The following XIRP2 variants were observed in gnomAD, a reference collection of about 807,000 sequenced individuals.
The protein encoded by XIRP2 is xin actin binding repeat containing 2.
XIRP2 carries 236 observed loss-of-function variants against 277.0 expected under a neutral mutation model. That is an observed-to-expected ratio of 0.85 (90% CI 0.77 to 0.95). XIRP2 has a LOEUF of 0.95. Ranked by LOEUF, XIRP2 falls within the 40% of genes least tolerant of loss-of-function variation. The pLI is 0.00. For missense variants in XIRP2, 4,640 were observed against 4,157.5 expected, an observed-to-expected ratio of 1.12 and a Z score of -3.19; for synonymous variants, 1,490 against 1,416.5, an observed-to-expected ratio of 1.05 and a Z score of -1.17.
intron 2 of XIRP2, among the ~76,000 whole-genome samples, chr2:167,042,851 C>T (rs974987054): frequency 1.3e-5 from 2 of 152,050 alleles, no homozygotes; most frequent in African/African-American, 2.4e-5. Context: ...GACACTTGAC[C>T]GAACAGACCT....
intron 2 of XIRP2, among the ~76,000 whole-genome samples, chr2:167,009,527 G>C (rs939923730): frequency 6.6e-6 from 1 of 151,926 alleles, no homozygotes; most frequent in African/African-American, 2.4e-5. Context: ...ACAAACATGC[G>C]TGTGCATGTG....
Position 167,249,585 on chromosome 2 carries a change from T to C in XIRP2, c.8193T>C (p.Ser2731=). ...TLNETDHSYE[S]HKQQSEIDVQ... ...ATGAAACAGACCACAGCTATGAAAG[T>C]CATAAACAGCAATCTGAGATTGATG... The change falls in exon 9 of 11, where the codon AGT becomes AGC. Residue 2731 remains serine (S), a synonymous_variant. Transcript: ENST00000409195. 6.2e-7 allele frequency: 1 copy of C among 1,613,588 alleles called. No homozygotes were observed. The highest frequency in any genetic ancestry group is 8.5e-7 in the Non-Finnish European group (1 of 1,179,788).
intron 3 of XIRP2, among the ~76,000 whole-genome samples, chr2:167,199,201 C>A (rs976526388): frequency 6.6e-6 from 1 of 152,112 alleles, no homozygotes; most frequent in Admixed American, 6.6e-5. Context: ...AGAGGAAATT[C>A]CTAAAACACA....
chr2:166,935,461 C>T (rs988127688), intron 2 of XIRP2, among the ~76,000 whole-genome samples: 10 of 128,318 alleles, frequency 7.8e-5, no homozygotes, highest in Admixed American at 1.8e-4. Context: ...ATGTGCACAA[C>T]GTGCACGTTT....
At chr2:166,996,804 C>A (rs1687234350) in intron 2 of XIRP2, among the ~76,000 whole-genome samples, 1 of 152,062 alleles carries the variant, frequency 6.6e-6, no homozygotes, top group South Asian at 2.1e-4. Flanking sequence ...AACACACACA[C>A]ATAAACTCAC....
At chr2:166,917,455 T>C (rs1684919441) in intron 2 of XIRP2, among the ~76,000 whole-genome samples, 1 of 152,228 alleles carries the variant, frequency 6.6e-6, no homozygotes, top group Admixed American at 6.5e-5. Context: ...CTTACATGTT[T>C]GCTATTTTAC....
At chr2:166,899,649 G>A (rs536400682) in intron 1 of XIRP2, among the ~76,000 whole-genome samples, 1 of 152,246 alleles carries the variant, frequency 6.6e-6, no homozygotes, top group Non-Finnish European at 1.5e-5. Context: ...AGAATTTGGA[G>A]TTGGCAGTTA....
intron 5 of XIRP2, among the ~76,000 whole-genome samples, chr2:167,229,062 A>G (rs1488263570): frequency 2.6e-5 from 4 of 152,180 alleles, no homozygotes; most frequent in Non-Finnish European, 5.9e-5. Flanking sequence ...TCCCCCAAAG[A>G]CAAAAGGTCA....
At chr2:167,077,648 T>G (rs1246402588) in intron 2 of XIRP2, among the ~76,000 whole-genome samples, 3 of 152,114 alleles carry the variant, frequency 2.0e-5, no homozygotes, top group Admixed American at 2.0e-4. Context: ...AAGAAGTAAG[T>G]ATGGACACCT....
chr2:166,944,836 C>G (rs1685809878), intron 2 of XIRP2, among the ~76,000 whole-genome samples: 1 of 152,136 alleles, frequency 6.6e-6, no homozygotes, highest in African/African-American at 2.4e-5. Flanking sequence ...TAAATGGGGC[C>G]ACATCTATTG....
At chr2:167,145,066 TTTGC>T (rs997500624) in intron 3 of XIRP2, among the ~76,000 whole-genome samples, 1 of 152,166 alleles carries the variant, frequency 6.6e-6, no homozygotes, top group Non-Finnish European at 1.5e-5. Flanking sequence ...CCTGGTGTTT[TTTGC>T]TTATGCCATG....
At chr2:166,908,326 A>G (rs1157047850) in intron 2 of XIRP2, among the ~76,000 whole-genome samples, 1 of 152,160 alleles carries the variant, frequency 6.6e-6, no homozygotes, top group African/African-American at 2.4e-5. Context: ...GTGAGATGGT[A>G]TCTCATTGTG....
intron 3 of XIRP2, among the ~76,000 whole-genome samples, chr2:167,148,338 C>T (rs1345398147): frequency 1.4e-5 from 2 of 148,040 alleles, no homozygotes; most frequent in Non-Finnish European, 3.0e-5. Flanking sequence ...GCCGAGATCG[C>T]ACCATTGCAC....
At chr2:167,027,081 T>A (rs1478427026) in intron 2 of XIRP2, among the ~76,000 whole-genome samples, 2 of 152,190 alleles carry the variant, frequency 1.3e-5, no homozygotes, top group African/African-American at 2.4e-5. Context: ...TTCTCCTGGA[T>A]AATATCCTGC....
rs73973544 is a variant in XIRP2, at chr2:166,973,908, A to G, written c.408+70018A>G. Among the ~76,000 whole-genome samples, 744 of 152,316 alleles carry G rather than the reference A, an allele frequency of 4.9e-3. 11 individuals carry two copies. The highest frequency in any genetic ancestry group is 0.017 in the African/African-American group (695 of 41,560). On this transcript the variant is annotated intron_variant, in intron 2 of 10. Coordinates refer to ENST00000409195, the MANE Select transcript of XIRP2 (RefSeq NM_152381.6). ...TTTATTGCTAATGTTTGTTTATCAT[A>G]GAGAAGTCGCACAATGTTATAAAAT...
intron 2 of XIRP2, among the ~76,000 whole-genome samples, chr2:167,006,187 A>T (rs1328686958): frequency 6.6e-6 from 1 of 151,746 alleles, no homozygotes; most frequent in African/African-American, 2.4e-5. Flanking sequence ...GAGTTACAAG[A>T]CATTTCGAGG....
At chr2:167,033,558 C>T (rs140406006) in intron 2 of XIRP2, among the ~76,000 whole-genome samples, 2 of 152,258 alleles carry the variant, frequency 1.3e-5, no homozygotes, top group Admixed American at 1.3e-4. Flanking sequence ...AATAAGCCTA[C>T]TCCATGGCAT....
rs888384238 is a variant in XIRP2, at chr2:167,009,385, G to A, written c.408+105495G>A. 7.4e-4 allele frequency among the ~76,000 whole-genome samples: 112 copies of A among 151,840 alleles called. 1 individual carries two copies. The highest frequency in any genetic ancestry group is 2.7e-3 in the African/African-American group (110 of 41,408). On this transcript the variant is annotated intron_variant, in intron 2 of 10. Transcript: ENST00000409195. ...CAATTTCATCCATGTCCCTACAAAG[G>A]ACATGAACTCATCATTTTTTATGGC...
chr2:167,135,223 T>A (rs540478278), intron 2 of XIRP2, among the ~76,000 whole-genome samples: 1 of 152,134 alleles, frequency 6.6e-6, no homozygotes, highest in Admixed American at 6.6e-5. Flanking sequence ...CTGGTTTGTT[T>A]TATTTGATTA....
Sources: gnomAD v4.1 joint callset for allele counts (sites outside exome capture counted in the v4.1 genomes callset) on GRCh38, gnomAD v4.1.1 for gene constraint, MANE v1.5 for transcripts, NCBI Gene and HGNC (gene_info 2026-07-23, HGNC 2026-07-21) for gene names.